The following CFAP44 variants were observed in gnomAD, a reference collection of about 807,000 sequenced individuals.
CFAP44 encodes cilia and flagella associated protein 44.
Under a neutral mutation model 216.2 loss-of-function variants are expected in CFAP44, and 134 were observed. The ratio of observed to expected loss-of-function variants is 0.62; its 90% CI spans 0.54 to 0.72. CFAP44 has a LOEUF of 0.72. Among genes scored for constraint, CFAP44 ranks in the 30% least tolerant of loss-of-function variants. The probability of loss-of-function intolerance (pLI) is 0.00; values close to 1 mark genes in which losing one functional copy is unlikely to be tolerated. For missense variants in CFAP44, 2,035 were observed against 2,182.1 expected (o/e 0.93, Z 1.34); for synonymous variants, 700 against 727.6 (o/e 0.96, Z 0.61).
At chr3:113,309,972 C>T (rs1177454932) in intron 28 of CFAP44, among the ~76,000 whole-genome samples, 1 of 152,202 alleles carries the variant, frequency 6.6e-6, no homozygotes, top group Non-Finnish European at 1.5e-5. Flanking sequence ...AGTAACTCTT[C>T]TATTCCAACC....
chr3:113,313,951 G>C (rs779270351), intron 28 of CFAP44, among the ~76,000 whole-genome samples: 6 of 152,012 alleles, frequency 3.9e-5, no homozygotes, highest in Admixed American at 6.6e-5. Context: ...AGAATAGAAA[G>C]GAGACAGAAG....
chr3:113,329,971 A>G (rs1252687600), intron 26 of CFAP44, among the ~76,000 whole-genome samples, 197 bp downstream of exon 26: 2 of 152,162 alleles, frequency 1.3e-5, no homozygotes, highest in Non-Finnish European at 2.9e-5. Flanking sequence ...AAAGCTCTGT[A>G]GTTCTGGGAA....
chr3:113,344,005 T>C (rs773343157), intron 23 of CFAP44, among the ~76,000 whole-genome samples: 40 of 152,208 alleles, frequency 2.6e-4, no homozygotes, highest in Non-Finnish European at 4.9e-4. Flanking sequence ...AAGAAACAGG[T>C]TGCAGGGATT....
Position 113,433,548 on chromosome 3 carries a change from A to G in CFAP44, c.100+17T>C, listed in dbSNP as rs546297365. On this transcript the variant is annotated intron_variant, in intron 2 of 34. Coordinates refer to ENST00000393845, the MANE Select transcript of CFAP44 (RefSeq NM_001164496.2). ...AAGTTTAATACTTTTAAAAGTATAC[A>G]TATTATCTTTACTTACATCTTGATT... 1.4e-5 allele frequency: 22 copies of G among 1,554,802 alleles called. No individual in the cohort carries two copies. Among genetic ancestry groups the G allele is most frequent in the Non-Finnish European group, 1.8e-5 (20 of 1,129,706 alleles).
intron 4 of CFAP44, 119 bp from the exon 5 acceptor site, chr3:113,420,298 T>C: frequency 1.9e-6 from 2 of 1,038,414 alleles, no homozygotes; most frequent in East Asian, 6.0e-5. Context: ...TTGAAGTAGT[T>C]GAATTTTACC....
chr3:113,367,477 T>G (rs140031940), intron 18 of CFAP44, among the ~76,000 whole-genome samples: 3,632 of 152,306 alleles, frequency 0.024, 68 homozygotes, highest in African/African-American at 0.046. Flanking sequence ...CCAACAGACC[T>G]GCAGCTGAGG....
chr3:113,318,400 G>T (rs960720091), intron 28 of CFAP44, among the ~76,000 whole-genome samples: 1 of 152,046 alleles, frequency 6.6e-6, no homozygotes, highest in African/African-American at 2.4e-5. Context: ...AAAATTAAAT[G>T]AACCAAATCT....
intron 17 of CFAP44, among the ~76,000 whole-genome samples, chr3:113,375,049 T>C (rs1184806164): frequency 1.3e-5 from 2 of 152,218 alleles, no homozygotes; most frequent in Non-Finnish European, 2.9e-5. Context: ...GGATGAAACT[T>C]GGGGAAATTA....
chr3:113,321,695 A>G (rs1950147595), intron 28 of CFAP44, among the ~76,000 whole-genome samples: 1 of 152,238 alleles, frequency 6.6e-6, no homozygotes, highest in Non-Finnish European at 1.5e-5. Flanking sequence ...AATATACAAA[A>G]ATCAGTAGCA....
At position 113,373,454 on chromosome 3, in the gene CFAP44, G is replaced by A. The variant is rs1424616516; in HGVS notation, c.2401C>T (p.Leu801Phe). ...ATGGGATTGTCCTCTGTATCCGCAA[G>A]ATAACGGACATCAATAGGTTCATCT... Reference protein sequence around the residue: ...QKDEPIDVRYLADTEDNPIQT... With the variant: ...QKDEPIDVRYFADTEDNPIQT... The change falls in exon 18 of 35, where the codon CTT (leucine) becomes TTT (phenylalanine). Residue 801 changes from leucine (L) to phenylalanine (F), a missense_variant. Coordinates refer to ENST00000393845, the MANE Select transcript of CFAP44 (RefSeq NM_001164496.2). 3.1e-6 allele frequency: 5 copies of A among 1,608,006 alleles called. No homozygotes were observed. Among genetic ancestry groups the A allele is most frequent in the Non-Finnish European group, 4.2e-6 (5 of 1,176,854 alleles).
chr3:113,378,051 T>C (rs1222497736), intron 17 of CFAP44, among the ~76,000 whole-genome samples: 2 of 152,184 alleles, frequency 1.3e-5, no homozygotes, highest in Non-Finnish European at 2.9e-5. Context: ...TGTTTTGTTG[T>C]TGTTGTTTGA....
At chr3:113,428,405 A>G (rs1409658711) in intron 2 of CFAP44, among the ~76,000 whole-genome samples, 1 of 152,214 alleles carries the variant, frequency 6.6e-6, no homozygotes, top group Non-Finnish European at 1.5e-5. Context: ...TGTGCTACAG[A>G]CGGAAAACTA....
intron 22 of CFAP44, among the ~76,000 whole-genome samples, chr3:113,349,165 A>G (rs1192027982): frequency 6.6e-6 from 1 of 152,212 alleles, no homozygotes; most frequent in Non-Finnish European, 1.5e-5. Flanking sequence ...TGTCCACCAT[A>G]ACTCAGGGAA....
intron 29 of CFAP44, 71 bp downstream of exon 29, chr3:113,308,087 A>G: frequency 8.1e-7 from 1 of 1,240,496 alleles, no homozygotes; most frequent in Non-Finnish European, 1.1e-6. Flanking sequence ...AGAGAAACCA[A>G]AAAGGGTCTT....
chr3:113,344,779 T>G (rs1168135538), intron 22 of CFAP44, 67 bp from the exon 23 acceptor site: 7 of 1,349,710 alleles, frequency 5.2e-6, no homozygotes, highest in Non-Finnish European at 5.9e-6. Flanking sequence ...TACTAAGTAA[T>G]AAAATAAAAC....
At chr3:113,333,637 T>C (rs1950258675) in intron 24 of CFAP44, 54 bp from the exon 25 acceptor site, 1 of 1,423,106 alleles carries the variant, frequency 7.0e-7, no homozygotes, top group Non-Finnish European at 9.1e-7. Flanking sequence ...TAAACTCTAA[T>C]TTGTCTACTT....
intron 24 of CFAP44, among the ~76,000 whole-genome samples, chr3:113,340,676 T>C (rs1279074770): frequency 6.6e-6 from 1 of 152,188 alleles, no homozygotes; most frequent in East Asian, 1.9e-4. Flanking sequence ...GGGTGAATGT[T>C]TGCAGCTGAA....
Position 113,344,648 on chromosome 3 carries a change from A to T in CFAP44, c.3130T>A (p.Ser1044Thr). Residue 1044 changes from serine to threonine, a missense_variant, in exon 23 of 35, where the codon TCC becomes ACC. Coordinates refer to ENST00000393845, the MANE Select transcript of CFAP44 (RefSeq NM_001164496.2). ...GAGGGCTGCACCAGCCTGTAAGAGG[A>T]TATCTTGTGGTCACTCAGTATGGCA... ...VHAILSDHKI[S>T]SYRLVQPSKY... 2 of 1,536,992 alleles carry T rather than the reference A, an allele frequency of 1.3e-6. No individual in the cohort carries two copies. The highest frequency in any genetic ancestry group is 1.7e-6 in the Non-Finnish European group (2 of 1,146,820).
intron 28 of CFAP44, among the ~76,000 whole-genome samples, chr3:113,324,039 T>G (rs1285124112): frequency 1.7e-5 from 2 of 116,868 alleles, no homozygotes; most frequent in East Asian, 5.7e-4. Flanking sequence ...CAAGACTCCG[T>G]CTCAAAAAAA....
Sources: allele counts gnomAD v4.1 joint callset (sites outside exome capture counted in the v4.1 genomes callset), GRCh38; gene constraint gnomAD v4.1.1; transcripts MANE v1.5; gene names NCBI Gene and HGNC (gene_info 2026-07-23, HGNC 2026-07-21).